HCN2: variants seen among roughly 807,000 people sequenced by gnomAD.
HCN2 encodes hyperpolarization activated cyclic nucleotide gated potassium and sodium channel 2.
A neutral mutation model predicts 52.3 loss-of-function variants in HCN2; 20 were observed. The ratio of observed to expected loss-of-function variants is 0.38; its 90% CI spans 0.27 to 0.56. The LOEUF (loss-of-function observed/expected upper bound fraction) is 0.56, where lower values mean the gene tolerates loss of function less well. Ranked by LOEUF, HCN2 falls within the 20% of genes least tolerant of loss-of-function variation. HCN2 has a pLI of 0.71. For synonymous variants in HCN2, 694 were observed against 537.0 expected (o/e 1.29, Z -4.04); for missense variants, 981 against 1,207.7 (o/e 0.81, Z 2.78).
intron 7 of HCN2, among the ~76,000 whole-genome samples, chr19:615,247 C>T (rs62132645): frequency 0.16 from 20,199 of 128,414 alleles, 1,698 homozygotes; most frequent in Non-Finnish European, 0.23. Flanking sequence ...CGGTGGCTCA[C>T]GCCTGTAGTC....
In HCN2 at chr19:616,318, A is replaced by C; in HGVS notation, c.2514A>C (p.Thr838=). 1 of 1,145,250 alleles carries C rather than the reference A, an allele frequency of 8.7e-7. No individual in the cohort carries two copies. The highest frequency in any genetic ancestry group is 1.1e-6 in the Non-Finnish European group (1 of 926,952). 70.9% of individuals were successfully genotyped at this position (1,145,250 alleles called of 1,614,324 possible). A position where few individuals can be genotyped will look rare whatever the true frequency, so the allele number is the denominator to read the frequency against. The change falls in exon 8 of 8, where the codon ACA becomes ACC. Residue 838 remains threonine (T), a synonymous_variant. Transcript: ENST00000251287. The part of the protein sequence containing the change: ...PHGAPGPAAS[T]RPASSSTPRL... ...GCGCCCCCGGCCCCGCGGCCTCCACACGCCCGGCCAGCAGCTCCACACCGC... is the reference window on the plus strand; with the variant it reads ...GCGCCCCCGGCCCCGCGGCCTCCACCCGCCCGGCCAGCAGCTCCACACCGC...
At chr19:595,330 T>C (rs1173420831) in intron 1 of HCN2, among the ~76,000 whole-genome samples, 2 of 97,846 alleles carry the variant, frequency 2.0e-5, no homozygotes, top group East Asian at 2.6e-4. Context: ...GCTGGCCGCC[T>C]CTCTCCTGCC....
rs1311903615 is a variant in HCN2, at chr19:616,462, G to T, written c.2658G>T (p.Ser886=). 1.3e-5 allele frequency: 16 copies of T among 1,233,760 alleles called. No individual in the cohort carries two copies. Among genetic ancestry groups the T allele is most frequent in the African/African-American group, 1.6e-5 (1 of 61,578 alleles). 76.4% of individuals were successfully genotyped at this position (1,233,760 alleles called of 1,614,324 possible). A position where few individuals can be genotyped will look rare whatever the true frequency, so the allele number is the denominator to read the frequency against. The change falls in exon 8 of 8, where the codon TCG becomes TCT. Residue 886 remains serine (S), a synonymous_variant. Coordinates refer to ENST00000251287, the MANE Select transcript of HCN2 (RefSeq NM_001194.4). ...DPQDSARSRL[S]SNL ...AGGACTCCGCGCGCTCGCGCCTCTC[G>T]TCCAACTTGTGACCCTCGCCGACCG... is the stretch of plus-strand genomic sequence containing the variant.
intron 1 of HCN2, among the ~76,000 whole-genome samples, chr19:595,549 C>T (rs1324963503): frequency 1.3e-5 from 2 of 152,218 alleles, no homozygotes; most frequent in Non-Finnish European, 2.9e-5. Context: ...CACTGCCCTC[C>T]CCTCACCATC....
At chr19:598,054 G>A (rs1440255132) in intron 1 of HCN2, among the ~76,000 whole-genome samples, 1 of 152,198 alleles carries the variant, frequency 6.6e-6, no homozygotes, top group East Asian at 1.9e-4. Context: ...TGAGGCTGGG[G>A]CTGAGCTCCA....
intron 1 of HCN2, among the ~76,000 whole-genome samples, chr19:597,912 C>T (rs960618359): frequency 2.0e-5 from 3 of 152,210 alleles, no homozygotes; most frequent in Non-Finnish European, 2.9e-5. Context: ...GTCTCTGGAG[C>T]CCCCTGGGAG....
At chr19:615,391 G>C (rs1044062081) in intron 7 of HCN2, among the ~76,000 whole-genome samples, 1 of 152,154 alleles carries the variant, frequency 6.6e-6, no homozygotes, top group African/African-American at 2.4e-5. Flanking sequence ...GCGGGCGCCT[G>C]TAGTCCCAGC....
At chr19:595,706 G>T (rs925819659) in intron 1 of HCN2, among the ~76,000 whole-genome samples, 1 of 151,684 alleles carries the variant, frequency 6.6e-6, no homozygotes, top group Admixed American at 6.5e-5. Context: ...CATCTGCCCC[G>T]TCGGGATCAC....
At chr19:599,923 G>A (rs1221500401) in intron 1 of HCN2, among the ~76,000 whole-genome samples, 1 of 150,422 alleles carries the variant, frequency 6.6e-6, no homozygotes, top group African/African-American at 2.5e-5. Context: ...TACCCAGGCT[G>A]GTCTTGAACT....
chr19:607,084 A>G (rs1272050539), intron 3 of HCN2, among the ~76,000 whole-genome samples: 1 of 152,188 alleles, frequency 6.6e-6, no homozygotes, highest in African/African-American at 2.4e-5. Flanking sequence ...AGGCAGGAGA[A>G]TCGCTTGAAC....
At chr19:612,139 C>T (rs1423270299) in intron 5 of HCN2, among the ~76,000 whole-genome samples, 32 of 150,668 alleles carry the variant, frequency 2.1e-4, no homozygotes, top group African/African-American at 5.7e-4. Flanking sequence ...AGCGAGACTC[C>T]GTCTCAAAAA....
intron 4 of HCN2, among the ~76,000 whole-genome samples, chr19:608,711 C>G (rs529724216): frequency 1.1e-4 from 16 of 151,838 alleles, no homozygotes; most frequent in Non-Finnish European, 1.3e-4. Context: ...GAGGCTGGGC[C>G]CACCTGGGGG....
chr19:606,352 C>T (rs1289033151), intron 3 of HCN2, among the ~76,000 whole-genome samples: 1 of 151,802 alleles, frequency 6.6e-6, no homozygotes, highest in African/African-American at 2.4e-5. Context: ...CCGCCTGCCT[C>T]GGCCTCCCAA....
intron 3 of HCN2, among the ~76,000 whole-genome samples, chr19:606,412 C>T (rs921473379): frequency 1.3e-5 from 2 of 152,060 alleles, no homozygotes; most frequent in Admixed American, 6.6e-5. Context: ...GGTTGGATCC[C>T]TTGAGCCCAG....
intron 6 of HCN2, 23 bp from the exon 7 acceptor site, chr19:613,829 C>A (rs765523032): frequency 7.0e-5 from 100 of 1,428,120 alleles, no homozygotes; most frequent in Non-Finnish European, 8.3e-5. Context: ...GTCCAGCAAC[C>A]CCCCCCTGCG....
In HCN2 at chr19:592,350, G is replaced by A; in HGVS notation, c.632+1773G>A. Among the ~76,000 whole-genome samples, 1 of 152,246 alleles carries A rather than the reference G, an allele frequency of 6.6e-6. No homozygotes were observed. Among genetic ancestry groups the A allele is most frequent in the East Asian group, 1.9e-4 (1 of 5,198 alleles). The stretch of plus-strand genomic sequence containing the variant: ...CTCCAGCGACCCCCTGGCTGCAGAG[G>A]GGCGGTCGGTGGCCTGGGGGGCAGG... On this transcript the variant is annotated intron_variant, in intron 1 of 7. Transcript: ENST00000251287. The surrounding 1 kb of genome is among the most constrained non-coding windows in gnomAD (Gnocchi z 4.8).
rs550717244 is a variant in HCN2, at chr19:615,780, C to A, written c.1991-15C>A. On this transcript the variant is annotated splice_polypyrimidine_tract_variant and intron_variant, in intron 7 of 7. Coordinates refer to ENST00000251287, the MANE Select transcript of HCN2 (RefSeq NM_001194.4). ...GGCGCTCCCTGTGCACACGCTAACG[C>A]CCCCTCTCCCGCAGGCAAGAAGAAT... is the stretch of plus-strand genomic sequence containing the variant. 2 of 1,610,220 alleles carry A rather than the reference C, an allele frequency of 1.2e-6. No homozygotes were observed. The highest frequency in any genetic ancestry group is 4.5e-5 in the East Asian group (2 of 44,762).
chr19:610,613 G>T (rs961227478), intron 5 of HCN2, among the ~76,000 whole-genome samples: 1 of 152,146 alleles, frequency 6.6e-6, no homozygotes, highest in African/African-American at 2.4e-5. Flanking sequence ...CTTGCTTCCC[G>T]CTGCCCCCTT....
intron 1 of HCN2, among the ~76,000 whole-genome samples, chr19:601,489 T>G (rs1164756247): frequency 6.6e-6 from 1 of 152,096 alleles, no homozygotes; most frequent in Non-Finnish European, 1.5e-5. Context: ...CTCTGCCTTT[T>G]TGCTACTGTG....
Sources: allele counts gnomAD v4.1 joint callset (sites outside exome capture counted in the v4.1 genomes callset), GRCh38; gene constraint gnomAD v4.1.1; non-coding constraint Gnocchi (gnomAD v3.1); transcripts MANE v1.5; gene names NCBI Gene and HGNC (gene_info 2026-07-23, HGNC 2026-07-21).